The following LRRC4B variants were observed in gnomAD, a reference collection of about 807,000 sequenced individuals.
LRRC4B encodes the protein leucine-rich repeat-containing protein 4B.
Under a neutral mutation model 7.3 loss-of-function variants are expected in LRRC4B, and 1 was observed. The observed-to-expected ratio is 0.14, with a 90% confidence interval of 0.05 to 0.65. LRRC4B has a LOEUF of 0.65. Among genes scored for constraint, LRRC4B ranks in the 30% least tolerant of loss-of-function variants. LRRC4B has a pLI of 0.84. For synonymous variants in LRRC4B, 500 were observed against 499.2 expected, an observed-to-expected ratio of 1.00 and a Z score of -0.02; for missense variants, 730 against 1,041.6, an observed-to-expected ratio of 0.70 and a Z score of 4.12.
intron 1 of LRRC4B, among the ~76,000 whole-genome samples, chr19:50,565,385 G>A (rs1231352402): frequency 6.6e-6 from 1 of 152,234 alleles, no homozygotes; most frequent in Admixed American, 6.5e-5. Context: ...GTGTCTCTGT[G>A]TGACACACGA....
Position 50,523,667 on chromosome 19 carries a change from A to C in LRRC4B, c.298-4252T>G, listed in dbSNP as rs577030451. Among the ~76,000 whole-genome samples, 149 of 130,262 alleles carry C rather than the reference A, an allele frequency of 1.1e-3. 1 individual carries two copies. The highest frequency in any genetic ancestry group is 4.3e-3 in the African/African-American group (147 of 33,940). 85.5% of individuals were successfully genotyped at this position (130,262 alleles called of 152,430 possible). On this transcript the variant is annotated intron_variant, in intron 2 of 2. Coordinates refer to ENST00000652263, the MANE Select transcript of LRRC4B (RefSeq NM_001080457.2). The stretch of plus-strand genomic sequence containing the variant: ...AACACAGTGAGACTCCATCTTAAAA[A>C]CAAAAAAGAGGCCGGGCATGGTGGC...
chr19:50,549,792 G>A (rs532430897), intron 1 of LRRC4B, among the ~76,000 whole-genome samples: 280 of 152,322 alleles, frequency 1.8e-3, no homozygotes, highest in Non-Finnish European at 1.7e-3. Context: ...GACTGTGGGT[G>A]CTCCAGGCAG....
intron 2 of LRRC4B, among the ~76,000 whole-genome samples, chr19:50,545,247 A>C (rs558594555): frequency 4.9e-4 from 74 of 152,054 alleles, no homozygotes; most frequent in African/African-American, 1.7e-3. Flanking sequence ...GTCTCTACTA[A>C]AAATACAAAA....
chr19:50,520,224 AAAAAAAAAAAAAAAAAAAAAAAAG>A (rs1980503759), intron 2 of LRRC4B, among the ~76,000 whole-genome samples: 1 of 72,638 alleles, frequency 1.4e-5, no homozygotes, highest in Non-Finnish European at 2.5e-5. Flanking sequence ...AAAAAAAAAA[AAAAAAAAAAAAAAAAAAAAAAAAG>A]AAGAAAAGAA....
At position 50,562,066 on chromosome 19, in the gene LRRC4B, C is replaced by T. The variant is rs191153585; in HGVS notation, c.-36+5878G>A. 3.4e-3 allele frequency among the ~76,000 whole-genome samples: 511 copies of T among 151,296 alleles called. 2 individuals carry two copies. The highest frequency in any genetic ancestry group is 0.01 in the Middle Eastern group (3 of 294). ...CCAGGAGGCAGAGGTTGCAGTGAGC[C>T]GAGATCGCGCCACTGCACTCTAGCC... On this transcript the variant is annotated intron_variant, in intron 1 of 2. Coordinates refer to ENST00000652263, the MANE Select transcript of LRRC4B (RefSeq NM_001080457.2).
At position 50,525,696 on chromosome 19, in the gene LRRC4B, A is replaced by C. The variant is rs3826773; in HGVS notation, c.298-6281T>G. Reference sequence around the variant, plus strand: ...CGGCCTCCCAAAGTGCCGGGATTACACACGTGAGCCACCCTCCCCGGCAAG... The same window carrying C: ...CGGCCTCCCAAAGTGCCGGGATTACCCACGTGAGCCACCCTCCCCGGCAAG... On this transcript the variant is annotated intron_variant, in intron 2 of 2. Coordinates refer to ENST00000652263, the MANE Select transcript of LRRC4B (RefSeq NM_001080457.2). 1.2e-4 allele frequency among the ~76,000 whole-genome samples: 18 copies of C among 151,336 alleles called. No individual in the cohort carries two copies. In the East Asian group the frequency reaches 3.1e-3, roughly 26 times the overall value.
At chr19:50,540,245 G>A (rs1411393547) in intron 2 of LRRC4B, among the ~76,000 whole-genome samples, 1 of 152,174 alleles carries the variant, frequency 6.6e-6, no homozygotes, top group Non-Finnish European at 1.5e-5. Context: ...ACTGGTGGGT[G>A]GCCTGTTAGG....
intron 1 of LRRC4B, among the ~76,000 whole-genome samples, chr19:50,560,168 T>C (rs1229733228): frequency 6.6e-6 from 1 of 151,922 alleles, no homozygotes; most frequent in African/African-American, 2.4e-5. Flanking sequence ...AAACTGCAGA[T>C]TCTGCATCGC....
intron 2 of LRRC4B, among the ~76,000 whole-genome samples, chr19:50,525,570 T>A (rs2122792051): frequency 6.9e-6 from 1 of 144,938 alleles, no homozygotes; most frequent in Non-Finnish European, 1.5e-5. Flanking sequence ...CACACCCGGC[T>A]AATTTTTGTA....
chr19:50,565,291 G>A (rs938223378), intron 1 of LRRC4B, among the ~76,000 whole-genome samples: 6 of 152,238 alleles, frequency 3.9e-5, no homozygotes, highest in East Asian at 1.9e-4. Flanking sequence ...GTCCGTAGGC[G>A]TGAGGCCACG....
At chr19:50,547,523 C>G (rs1824994090) in intron 2 of LRRC4B, among the ~76,000 whole-genome samples, 1 of 151,778 alleles carries the variant, frequency 6.6e-6, no homozygotes, top group African/African-American at 2.4e-5. Context: ...CCCAGCTTTA[C>G]AGGCTGGAAC....
chr19:50,525,035 C>G (rs1015075590), intron 2 of LRRC4B, among the ~76,000 whole-genome samples: 6 of 152,252 alleles, frequency 3.9e-5, no homozygotes, highest in African/African-American at 7.2e-5. Context: ...GGAGCCTGCG[C>G]CCCTCCCCGT....
At chr19:50,549,980 C>G (rs1247699832) in intron 1 of LRRC4B, among the ~76,000 whole-genome samples, 1 of 152,150 alleles carries the variant, frequency 6.6e-6, no homozygotes, top group East Asian at 1.9e-4. Flanking sequence ...CTGTCCTGCC[C>G]CGCCATTTCC....
intron 1 of LRRC4B, among the ~76,000 whole-genome samples, chr19:50,559,800 A>T (rs1400372614): frequency 6.6e-6 from 1 of 152,266 alleles, no homozygotes; most frequent in Non-Finnish European, 1.5e-5. Context: ...AATGCTTCTC[A>T]GACATGAATG....
In LRRC4B at chr19:50,548,411, C is replaced by A; in HGVS notation, c.297+131G>T. On this transcript the variant is annotated intron_variant, in intron 2 of 2. Transcript: ENST00000652263. This position sits in a 1 kb window ranked among gnomAD's most constrained non-coding sequence, Gnocchi z 6.8. ...GGCTCCAGCTGATAGGATGCAGACC[C>A]GCAGGCCACATCCACAGGTGCCGGA... The A allele has an allele frequency of 1.5e-6, 2 of 1,292,500 alleles. No individual in the cohort carries two copies. The highest frequency in any genetic ancestry group is 2.1e-6 in the Non-Finnish European group (2 of 943,080). The allele number at this position is 1,292,500 out of a possible 1,614,324, so 80.1% of individuals were successfully genotyped here. A position where few individuals can be genotyped will look rare whatever the true frequency, so the allele number is the denominator to read the frequency against.
chr19:50,541,368 C>CAAAAAAAAAAAAAAAAAAAAAA (rs71332010), intron 2 of LRRC4B, among the ~76,000 whole-genome samples: 1 of 75,046 alleles, frequency 1.3e-5, no homozygotes, highest in African/African-American at 6.2e-5. Context: ...GACTCTATCT[C>CAAAAAAAAAAAAAAAAAAAAAA]AAAAAAAAAA....
intron 1 of LRRC4B, among the ~76,000 whole-genome samples, chr19:50,565,515 CTG>C (rs1418829098): frequency 1.4e-5 from 2 of 141,656 alleles, no homozygotes; most frequent in South Asian, 4.6e-4. Flanking sequence ...CAGTGAATGA[CTG>C]TGTGCTCTCG....
At chr19:50,559,321 C>T (rs1982389322) in intron 1 of LRRC4B, among the ~76,000 whole-genome samples, 1 of 152,070 alleles carries the variant, frequency 6.6e-6, no homozygotes, top group South Asian at 2.1e-4. Flanking sequence ...ATAATCCCAG[C>T]TACTGGGGAG....
chr19:50,565,830 C>T (rs1430901358), intron 1 of LRRC4B, among the ~76,000 whole-genome samples: 3 of 140,198 alleles, frequency 2.1e-5, no homozygotes, highest in Non-Finnish European at 3.3e-5. Context: ...CGTGTGTCCC[C>T]GGCTCCCCGA....
Sources: allele counts gnomAD v4.1 joint callset (sites outside exome capture counted in the v4.1 genomes callset), GRCh38; gene constraint gnomAD v4.1.1; non-coding constraint Gnocchi (gnomAD v3.1); transcripts MANE v1.5; gene names NCBI Gene and HGNC (gene_info 2026-07-23, HGNC 2026-07-21).